CCSER1: variants seen among roughly 807,000 people sequenced by gnomAD.
CCSER1 encodes the protein coiled-coil serine rich protein 1.
Under a neutral mutation model 82.0 loss-of-function variants are expected in CCSER1, and 41 were observed. The ratio of observed to expected loss-of-function variants is 0.50; its 90% CI spans 0.39 to 0.65. The LOEUF is 0.65. Among genes scored for constraint, CCSER1 ranks in the 30% least tolerant of loss-of-function variants. CCSER1 has a pLI of 0.00. For missense variants in CCSER1, 1,119 were observed against 1,064.2 expected (o/e 1.05, Z -0.72); for synonymous variants, 414 against 383.9 (o/e 1.08, Z -0.92).
At chr4:90,978,586 G>A (rs1735819305) in intron 9 of CCSER1, among the ~76,000 whole-genome samples, 1 of 151,660 alleles carries the variant, frequency 6.6e-6, no homozygotes, top group African/African-American at 2.4e-5. Flanking sequence ...TTCTCAATAT[G>A]AAAATAATAA....
At chr4:90,492,998 A>G (rs573916419) in intron 5 of CCSER1, among the ~76,000 whole-genome samples, 1 of 152,274 alleles carries the variant, frequency 6.6e-6, no homozygotes, top group Non-Finnish European at 1.5e-5. Context: ...CCCTTTGAAA[A>G]GAAGATAAAA....
At chr4:90,465,409 C>T (rs1763497568) in intron 4 of CCSER1, among the ~76,000 whole-genome samples, 1 of 151,690 alleles carries the variant, frequency 6.6e-6, no homozygotes, top group Non-Finnish European at 1.5e-5. Context: ...CAACCTCAGC[C>T]TCCCCGGTTC....
chr4:90,754,239 T>C (rs1489731711), intron 7 of CCSER1, among the ~76,000 whole-genome samples: 1 of 152,204 alleles, frequency 6.6e-6, no homozygotes, highest in East Asian at 1.9e-4. Flanking sequence ...CATGCAGCAA[T>C]GACTGGCACA....
intron 9 of CCSER1, among the ~76,000 whole-genome samples, chr4:91,006,492 C>CTT (rs567997060): frequency 1.4e-5 from 2 of 143,758 alleles, no homozygotes; most frequent in Non-Finnish European, 3.1e-5. Context: ...TTCTTTTTTT[C>CTT]TTTTTTTTTT....
At chr4:91,424,508 A>G (rs1408164115) in intron 10 of CCSER1, among the ~76,000 whole-genome samples, 2 of 152,200 alleles carry the variant, frequency 1.3e-5, no homozygotes, top group East Asian at 3.9e-4. Context: ...CAACCACTCT[A>G]GCTATTTCAC....
chr4:90,441,893 TAAG>T (rs1011767376), intron 4 of CCSER1, among the ~76,000 whole-genome samples: 1 of 152,234 alleles, frequency 6.6e-6, no homozygotes, highest in African/African-American at 2.4e-5. Context: ...AAAGTTCTCA[TAAG>T]TTTTGGATAG....
chr4:91,244,200 G>A (rs1257446507), intron 10 of CCSER1, among the ~76,000 whole-genome samples: 1 of 152,238 alleles, frequency 6.6e-6, no homozygotes, highest in Non-Finnish European at 1.5e-5. Context: ...GGAAGGAAAA[G>A]TGGGAAGGAC....
intron 4 of CCSER1, among the ~76,000 whole-genome samples, chr4:90,402,908 G>T (rs1384508377): frequency 1.3e-5 from 2 of 152,144 alleles, no homozygotes; most frequent in African/African-American, 4.8e-5. Flanking sequence ...CTTAGTTAAA[G>T]CTCAAACCAG....
chr4:90,457,981 G>A (rs561954467), intron 4 of CCSER1, among the ~76,000 whole-genome samples: 28 of 152,250 alleles, frequency 1.8e-4, no homozygotes, highest in African/African-American at 3.9e-4. Flanking sequence ...CTGGTGTGTC[G>A]GTGCCACCCT....
intron 10 of CCSER1, among the ~76,000 whole-genome samples, chr4:91,584,089 C>T (rs1433849093): frequency 9.2e-5 from 14 of 151,432 alleles, no homozygotes. Context: ...ACTGGGAAAG[C>T]TGGTGACCTC....
chr4:91,118,798 C>T (rs1395730994), intron 10 of CCSER1, among the ~76,000 whole-genome samples: 1 of 152,168 alleles, frequency 6.6e-6, no homozygotes, highest in Non-Finnish European at 1.5e-5. Context: ...AAGTGTTAGA[C>T]TGTGTCATTT....
At chr4:90,817,685 C>G (rs960746458) in intron 8 of CCSER1, among the ~76,000 whole-genome samples, 7 of 151,882 alleles carry the variant, frequency 4.6e-5, no homozygotes, top group Non-Finnish European at 5.9e-5. Context: ...AGGACTGCAG[C>G]TAAGGGAGAA....
chr4:90,601,987 T>C (rs1404750556), intron 5 of CCSER1, among the ~76,000 whole-genome samples: 1 of 152,122 alleles, frequency 6.6e-6, no homozygotes, highest in Non-Finnish European at 1.5e-5. Context: ...TCTCAGTAAA[T>C]GGTCTCTGTG....
intron 10 of CCSER1, among the ~76,000 whole-genome samples, chr4:91,521,105 C>T (rs1481882641): frequency 6.6e-6 from 1 of 152,116 alleles, no homozygotes; most frequent in East Asian, 1.9e-4. Context: ...TCATTGTTCA[C>T]TTCCCACTTA....
chr4:91,129,231 A>T (rs1727788246), intron 10 of CCSER1, among the ~76,000 whole-genome samples: 1 of 152,044 alleles, frequency 6.6e-6, no homozygotes, highest in Admixed American at 6.6e-5. Context: ...TGGCACCTGT[A>T]TCCCAAAACT....
At chr4:90,721,285 A>G (rs1742630607) in intron 6 of CCSER1, among the ~76,000 whole-genome samples, 1 of 151,882 alleles carries the variant, frequency 6.6e-6, no homozygotes, top group Admixed American at 6.6e-5. Context: ...TGTCTGTTGG[A>G]CTTACAACCA....
intron 8 of CCSER1, among the ~76,000 whole-genome samples, chr4:90,841,172 G>A (rs1005378361): frequency 6.6e-6 from 1 of 152,122 alleles, no homozygotes; most frequent in Admixed American, 6.6e-5. Flanking sequence ...CATGTCTTCT[G>A]AAAAACAAAG....
chr4:91,157,543 G>A (rs997159307), intron 10 of CCSER1, among the ~76,000 whole-genome samples: 3 of 151,698 alleles, frequency 2.0e-5, no homozygotes, highest in South Asian at 2.1e-4. Context: ...TTCAATGTGC[G>A]GAAATCTTAA....
intron 3 of CCSER1, among the ~76,000 whole-genome samples, chr4:90,318,991 T>G (rs1029487556): frequency 4.9e-4 from 75 of 152,308 alleles, no homozygotes; most frequent in African/African-American, 1.7e-3. Context: ...TCATTTGGAT[T>G]GTGAGCATCG....
Sources: allele counts gnomAD v4.1 joint callset (sites outside exome capture counted in the v4.1 genomes callset), GRCh38; gene constraint gnomAD v4.1.1; transcripts MANE v1.5; gene names NCBI Gene and HGNC (gene_info 2026-07-23, HGNC 2026-07-21).